FBN2: variants seen among roughly 807,000 people sequenced by gnomAD.
FBN2 encodes fibrillin-2.
Under a neutral mutation model 355.6 loss-of-function variants are expected in FBN2, and 105 were observed. The observed-to-expected ratio is 0.30, with a 90% CI of 0.25 to 0.35. FBN2 has a LOEUF of 0.35. Among genes scored for constraint, FBN2 ranks in the 10% least tolerant of loss-of-function variants. FBN2 has a pLI of 1.00. For missense variants in FBN2, 3,280 were observed against 3,758.7 expected, an observed-to-expected ratio of 0.87 and a Z score of 3.33; for synonymous variants, 1,350 against 1,301.2, an observed-to-expected ratio of 1.04 and a Z score of -0.81.
At chr5:128,329,397 G>A (rs1334100373) in intron 33 of FBN2, among the ~76,000 whole-genome samples, 1 of 152,022 alleles carries the variant, frequency 6.6e-6, no homozygotes, top group East Asian at 1.9e-4. Context: ...GAATAAGAGG[G>A]AAGGAAAAAT....
intron 7 of FBN2, among the ~76,000 whole-genome samples, chr5:128,437,754 T>G (rs539258668): frequency 6.6e-6 from 1 of 151,362 alleles, no homozygotes; most frequent in African/African-American, 2.4e-5. Flanking sequence ...GATAAATAGA[T>G]AGATAAATAG....
At chr5:128,295,466 G>A (rs965866053) in intron 48 of FBN2, among the ~76,000 whole-genome samples, 11 of 150,548 alleles carry the variant, frequency 7.3e-5, no homozygotes, top group African/African-American at 2.7e-4. Flanking sequence ...TCCTACCCAT[G>A]AGCATGGAAT....
intron 48 of FBN2, among the ~76,000 whole-genome samples, chr5:128,300,082 T>C (rs1749672286): frequency 6.6e-6 from 1 of 152,210 alleles, no homozygotes; most frequent in African/African-American, 2.4e-5. Context: ...TAGAATGACA[T>C]ATCTTTAGGT....
intron 6 of FBN2, among the ~76,000 whole-genome samples, chr5:128,460,760 G>C (rs1754535069): frequency 6.6e-6 from 1 of 152,164 alleles, no homozygotes; most frequent in African/African-American, 2.4e-5. Flanking sequence ...AATGGGGAAA[G>C]GATCTCCTAA....
At chr5:128,301,098 A>G (rs1049263352) in intron 47 of FBN2, among the ~76,000 whole-genome samples, 162 bp from the exon 48 acceptor site, 3 of 152,168 alleles carry the variant, frequency 2.0e-5, no homozygotes, top group African/African-American at 7.2e-5. Flanking sequence ...GACATCTTGG[A>G]TATTTCTTAT....
At chr5:128,399,668 T>C (rs927153016) in intron 8 of FBN2, among the ~76,000 whole-genome samples, 2 of 152,146 alleles carry the variant, frequency 1.3e-5, no homozygotes, top group Middle Eastern at 3.2e-3. Flanking sequence ...ATATACTAGA[T>C]TTTAAAAAGT....
chr5:128,499,253 T>C (rs1409444379), intron 5 of FBN2, among the ~76,000 whole-genome samples: 1 of 152,160 alleles, frequency 6.6e-6, no homozygotes, highest in African/African-American at 2.4e-5. Flanking sequence ...AGTGGCTTCA[T>C]TTTAGGCACT....
At chr5:128,290,631 T>G in intron 50 of FBN2, 101 bp downstream of exon 50, 2 of 1,206,226 alleles carry the variant, frequency 1.7e-6, no homozygotes, top group Non-Finnish European at 2.5e-6. Context: ...AGGAGATGAT[T>G]TCACTCTCAA....
At chr5:128,432,633 GA>G (rs1488953836) in intron 7 of FBN2, among the ~76,000 whole-genome samples, 91 of 152,134 alleles carry the variant, frequency 6.0e-4, no homozygotes, top group African/African-American at 2.1e-3. Context: ...TTCGGATCTA[GA>G]AAGACTGCAT....
chr5:128,437,639 G>T (rs527345992), intron 7 of FBN2, among the ~76,000 whole-genome samples: 10 of 151,876 alleles, frequency 6.6e-5, no homozygotes, highest in Admixed American at 4.6e-4. Flanking sequence ...GTAGGTCATG[G>T]ATCAATAATA....
Position 128,393,150 on chromosome 5 carries a change from T to A in FBN2, c.1450A>T (p.Ile484Phe). The part of the protein sequence containing the change: ...AGVGAGGQGP[I>F]ITGLTILNQT... ...GACCACTTACTTAGTCCAGTGATGA[T>A]AGGTCCCTGTCCCCCGGCCCCCACA... Residue 484 changes from isoleucine (I) to phenylalanine (F), a missense_variant, in exon 10 of 65, where the codon ATC becomes TTC. By Grantham distance (21) the Ile-to-Phe change is conservative. Coordinates refer to ENST00000262464, the MANE Select transcript of FBN2 (RefSeq NM_001999.4). 1 of 1,613,734 alleles carries A rather than the reference T, an allele frequency of 6.2e-7. No homozygotes were observed. Among genetic ancestry groups the A allele is most frequent in the Non-Finnish European group, 8.5e-7 (1 of 1,179,610 alleles).
At chr5:128,323,254 T>C (rs1750438186) in intron 34 of FBN2, among the ~76,000 whole-genome samples, 1 of 152,204 alleles carries the variant, frequency 6.6e-6, no homozygotes, top group African/African-American at 2.4e-5. Context: ...TTTATTTCTT[T>C]CTCTTGCCTG....
chr5:128,453,149 G>T (rs1057059530), intron 6 of FBN2, among the ~76,000 whole-genome samples: 3 of 152,112 alleles, frequency 2.0e-5, no homozygotes, highest in Non-Finnish European at 4.4e-5. Context: ...ATGTTAAAAT[G>T]ATCATCAAAA....
intron 55 of FBN2, among the ~76,000 whole-genome samples, chr5:128,282,625 T>C (rs1748993837): frequency 6.6e-6 from 1 of 152,210 alleles, no homozygotes; most frequent in Non-Finnish European, 1.5e-5. Flanking sequence ...AAAGAATTAC[T>C]GAGAAGAGGT....
At chr5:128,337,435 G>C (rs1223053794) in intron 27 of FBN2, among the ~76,000 whole-genome samples, 1 of 152,204 alleles carries the variant, frequency 6.6e-6, no homozygotes, top group East Asian at 1.9e-4. Context: ...AACATAGTAA[G>C]TCCAGAGATC....
chr5:128,455,540 GTC>G (rs1436990173), intron 6 of FBN2, among the ~76,000 whole-genome samples: 3 of 152,030 alleles, frequency 2.0e-5, no homozygotes, highest in African/African-American at 4.8e-5. Flanking sequence ...TAGAAGCAGC[GTC>G]TCTCAGAGGC....
At chr5:128,288,163 A>T (rs1352102547) in intron 53 of FBN2, among the ~76,000 whole-genome samples, 3 of 152,188 alleles carry the variant, frequency 2.0e-5, no homozygotes, top group African/African-American at 7.2e-5. Context: ...AAGGCAGGAA[A>T]CTGTGACTCC....
Position 128,345,484 on chromosome 5 carries a change from C to G in FBN2, c.3090G>C (p.Gly1030=). The G allele has an allele frequency of 6.2e-7, 1 of 1,614,158 alleles. No homozygotes were observed. Among genetic ancestry groups the G allele is most frequent in the Non-Finnish European group, 8.5e-7 (1 of 1,180,024 alleles). ...CCTCACACTCGGTGCCCCAAGCCGC[C>G]CCGACAGCACAGCAGCAGGCATCCA... The part of the protein sequence containing the change: ...FRMDACCCAV[G]AAWGTECEEC... Residue 1030 remains glycine, a synonymous_variant, in exon 24 of 65, where the codon GGG becomes GGC. Transcript: ENST00000262464.
At chr5:128,369,529 A>G (rs897263578) in intron 15 of FBN2, among the ~76,000 whole-genome samples, 195 bp from the exon 16 acceptor site, 2 of 152,224 alleles carry the variant, frequency 1.3e-5, no homozygotes, top group Non-Finnish European at 2.9e-5. Context: ...AAAAGAATGG[A>G]TGCATATCAC....
Sources: allele counts gnomAD v4.1 joint callset (sites outside exome capture counted in the v4.1 genomes callset), GRCh38; gene constraint gnomAD v4.1.1; transcripts MANE v1.5; gene names NCBI Gene and HGNC (gene_info 2026-07-23, HGNC 2026-07-21).